Variants in NFKB1 observed in about 807,000 individuals in gnomAD.
NFKB1 encodes the protein nuclear factor NF-kappa-B p105 subunit.
In NFKB1, 9 loss-of-function variants were observed where a neutral mutation model predicts 105.1. That is an observed-to-expected ratio of 0.09 (90% CI 0.05 to 0.15). The LOEUF (loss-of-function observed/expected upper bound fraction) is 0.15. Ranked by LOEUF, NFKB1 falls within the 10% of genes least tolerant of loss-of-function variation. The pLI is 1.00. For synonymous variants in NFKB1, 440 were observed against 442.2 expected, an observed-to-expected ratio of 1.00 and a Z score of 0.06; for missense variants, 830 against 1,203.7, an observed-to-expected ratio of 0.69 and a Z score of 4.59.
chr4:102,537,902 T>C lies in NFKB1; in HGVS notation c.204T>C (p.Gly68=), dbSNP rs1741747918. The stretch of plus-strand genomic sequence containing the variant: ...ATGTATGTGAAGGCCCATCCCATGG[T>C]GGACTACCTGGTGCCTCTAGTGAAA... The part of the protein sequence containing the change: ...FRYVCEGPSH[G]GLPGASSEKN... Residue 68 remains glycine (G), a synonymous_variant, in exon 5 of 24, where the codon GGT becomes GGC. Coordinates refer to ENST00000226574, the MANE Select transcript of NFKB1 (RefSeq NM_003998.4). The C allele has an allele frequency of 6.2e-7, 1 of 1,612,788 alleles. No individual in the cohort carries two copies. Among genetic ancestry groups the C allele is most frequent in the African/African-American group, 1.3e-5 (1 of 74,854 alleles).
intron 1 of NFKB1, chr4:102,501,991 C>G (rs1030552994): frequency 6.6e-6 from 1 of 152,364 alleles, no homozygotes; most frequent in African/African-American, 2.4e-5. Flanking sequence ...CCGGACCTCG[C>G]AGGGGCTAGT....
intron 1 of NFKB1, 142 bp from the exon 2 acceptor site, chr4:102,525,370 C>T: frequency 1.5e-6 from 1 of 653,862 alleles, no homozygotes; most frequent in South Asian, 2.4e-5. Flanking sequence ...ACATCATGTC[C>T]TCCTCCTATG....
intron 2 of NFKB1, 109 bp downstream of exon 2, chr4:102,525,666 A>AT (rs41477752): frequency 1.1e-4 from 110 of 980,278 alleles, no homozygotes; most frequent in Middle Eastern, 3.1e-4. Flanking sequence ...AAATTAGTAA[A>AT]TTTTTTTTTA....
chr4:102,549,492 CTT>C (rs1157970371), intron 5 of NFKB1, among the ~76,000 whole-genome samples: 4 of 149,786 alleles, frequency 2.7e-5, no homozygotes, highest in East Asian at 3.9e-4. Flanking sequence ...ATATATAAAA[CTT>C]AACACTATTA....
In NFKB1 at chr4:102,579,002, C is replaced by T; in HGVS notation, c.693C>T (p.Arg231=). The T allele has an allele frequency of 6.2e-7, 1 of 1,614,072 alleles. No homozygotes were observed. The highest frequency in any genetic ancestry group is 8.5e-7 in the Non-Finnish European group (1 of 1,179,982). Residue 231 remains arginine, a synonymous_variant, in exon 8 of 24, where the codon CGC becomes CGT. Coordinates refer to ENST00000226574, the MANE Select transcript of NFKB1 (RefSeq NM_003998.4). ...ATAGCACTGGCAGCTTCACAAGGCG[C>T]CTGGAACCCGTGGTATCAGACGCCA... ...LPDSTGSFTR[R]LEPVVSDAIY... is the part of the protein sequence containing the mutation.
intron 5 of NFKB1, among the ~76,000 whole-genome samples, chr4:102,552,440 G>A (rs186915824): frequency 1.3e-5 from 2 of 152,294 alleles, no homozygotes; most frequent in East Asian, 1.9e-4. Context: ...ATTGCCTCAG[G>A]ACAAAGTGAG....
intron 1 of NFKB1, among the ~76,000 whole-genome samples, chr4:102,504,381 G>A (rs769161729): frequency 5.9e-5 from 9 of 152,140 alleles, no homozygotes; most frequent in African/African-American, 4.8e-5. Context: ...AGGAATGGAT[G>A]TCTATGCAAA....
At chr4:102,520,933 T>C (rs969582255) in intron 1 of NFKB1, among the ~76,000 whole-genome samples, 6 of 152,170 alleles carry the variant, frequency 3.9e-5, no homozygotes, top group African/African-American at 1.4e-4. Flanking sequence ...TTTTCCTATT[T>C]AAATATATGT....
chr4:102,612,158 C>G (rs755580513), intron 21 of NFKB1, 48 bp downstream of exon 21: 1 of 1,515,796 alleles, frequency 6.6e-7, no homozygotes, highest in Non-Finnish European at 9.2e-7. Flanking sequence ...TATCTCCACA[C>G]TGTCATTTAA....
In NFKB1 at chr4:102,616,702, G is replaced by A. The variant is rs184935116; in HGVS notation, c.*108G>A. The A allele has an allele frequency of 2.7e-5, 30 of 1,121,140 alleles. No homozygotes were observed. The African/African-American group carries it at 2.8e-4, about 10-fold the overall frequency. 69.4% of individuals were successfully genotyped at this position (1,121,140 alleles called of 1,614,324 possible). A position where few individuals can be genotyped will look rare whatever the true frequency, so the allele number is the denominator to read the frequency against. ...CCAAAGGTGCTCAGAGAGCCGGCCC[G>A]CCTGAATCATTCTCGATTTAACTCG... On this transcript the variant is annotated 3_prime_UTR_variant, in exon 24 of 24. Coordinates refer to ENST00000226574, the MANE Select transcript of NFKB1 (RefSeq NM_003998.4).
In NFKB1 at chr4:102,613,407, T is replaced by C. The variant is rs1728622801; in HGVS notation, c.2593-18T>C. 1 of 1,611,956 alleles carries C rather than the reference T, an allele frequency of 6.2e-7. No individual in the cohort carries two copies. Among genetic ancestry groups the C allele is most frequent in the Non-Finnish European group, 8.5e-7 (1 of 1,178,766 alleles). On this transcript the variant is annotated intron_variant, in intron 22 of 23. Coordinates refer to ENST00000226574, the MANE Select transcript of NFKB1 (RefSeq NM_003998.4). ...CTCGAACACAAGAACATGCTCCTCC[T>C]TCCTTTCTTTCTCACAGGTCTCTGG...
At chr4:102,512,900 G>A (rs1739876062) in intron 1 of NFKB1, among the ~76,000 whole-genome samples, 1 of 152,022 alleles carries the variant, frequency 6.6e-6, no homozygotes, top group African/African-American at 2.4e-5. Flanking sequence ...GGATTTTTGA[G>A]GATTAATAGA....
rs1202062110 is a variant in NFKB1, at chr4:102,596,314, G to A, written c.1477G>A (p.Glu493Lys). The change falls in exon 14 of 24, where the codon GAG (glutamate) becomes AAG (lysine). Residue 493 changes from glutamate (E) to lysine (K), a missense_variant. Coordinates refer to ENST00000226574, the MANE Select transcript of NFKB1 (RefSeq NM_003998.4). ...AACGTATGCAACAGGAACAAAAGAA[G>A]AGAGTGCTGGAGTTCAGGGTAAGTG... ...TLTYATGTKE[E>K]SAGVQDNLFL... 1 of 1,607,754 alleles carries A rather than the reference G, an allele frequency of 6.2e-7. No homozygotes were observed. Among genetic ancestry groups the A allele is most frequent in the Admixed American group, 1.7e-5 (1 of 59,226 alleles).
At chr4:102,615,909 C>T (rs1424285506) in intron 23 of NFKB1, among the ~76,000 whole-genome samples, 4 of 152,208 alleles carry the variant, frequency 2.6e-5, no homozygotes, top group African/African-American at 9.6e-5. Context: ...GGGAATTCAA[C>T]CTGATTTTCC....
intron 5 of NFKB1, among the ~76,000 whole-genome samples, chr4:102,554,758 C>T (rs1722860731): frequency 6.6e-6 from 1 of 152,138 alleles, no homozygotes; most frequent in Non-Finnish European, 1.5e-5. Flanking sequence ...ACAGGGCCAG[C>T]AGCCAGGGCA....
At chr4:102,538,506 T>G (rs1314142393) in intron 5 of NFKB1, among the ~76,000 whole-genome samples, 1 of 152,208 alleles carries the variant, frequency 6.6e-6, no homozygotes, top group East Asian at 1.9e-4. Flanking sequence ...AATGTGTACA[T>G]GTTCCATAGA....
At chr4:102,565,735 C>T (rs1049952095) in intron 5 of NFKB1, among the ~76,000 whole-genome samples, 3 of 151,908 alleles carry the variant, frequency 2.0e-5, no homozygotes, top group Admixed American at 1.3e-4. Flanking sequence ...TCCTTTTCTA[C>T]CTTTCTTTTT....
intron 5 of NFKB1, among the ~76,000 whole-genome samples, chr4:102,553,823 C>T (rs1722794213): frequency 6.6e-6 from 1 of 152,160 alleles, no homozygotes; most frequent in South Asian, 2.1e-4. Context: ...AAATCTTTGC[C>T]TAACATGAAG....
Position 102,531,467 on chromosome 4 carries a change from A to G in NFKB1, c.118+1553A>G, listed in dbSNP as rs536976313. Among the ~76,000 whole-genome samples the G allele has an allele frequency of 2.6e-5, 4 of 152,316 alleles. No individual in the cohort carries two copies. In the South Asian group the frequency reaches 8.3e-4, roughly 32 times the overall value. ...AAAGAGGTAGAGAGGTTGATTATCT[A>G]AACCAATATTAACTTGTAACTCTAA... On this transcript the variant is annotated intron_variant, in intron 3 of 23. Coordinates refer to ENST00000226574, the MANE Select transcript of NFKB1 (RefSeq NM_003998.4).
Sources: allele counts gnomAD v4.1 joint callset (sites outside exome capture counted in the v4.1 genomes callset), GRCh38; gene constraint gnomAD v4.1.1; transcripts MANE v1.5; gene names NCBI Gene and HGNC (gene_info 2026-07-23, HGNC 2026-07-21).